ANK3: variants seen among roughly 807,000 people sequenced by gnomAD.
ANK3 encodes ankyrin-3.
In ANK3, 57 loss-of-function variants were observed where a neutral mutation model predicts 370.9. The ratio of observed to expected loss-of-function variants is 0.15; its 90% confidence interval spans 0.12 to 0.19. ANK3 has a LOEUF of 0.19. Ranked by LOEUF, ANK3 falls within the 10% of genes least tolerant of loss-of-function variation. ANK3 has a pLI of 1.00. For missense variants in ANK3, 4,439 were observed against 5,302.1 expected (o/e 0.84, Z 5.06); for synonymous variants, 1,929 against 1,946.3 (o/e 0.99, Z 0.23).
At chr10:60,445,160 C>T (rs545053778) in intron 2 of ANK3, among the ~76,000 whole-genome samples, 1 of 152,230 alleles carries the variant, frequency 6.6e-6, no homozygotes, top group East Asian at 1.9e-4. Flanking sequence ...TACAGTGGCT[C>T]ACGCCTATGC....
intron 2 of ANK3, among the ~76,000 whole-genome samples, chr10:60,395,404 A>G (rs990531278): frequency 6.6e-6 from 1 of 152,090 alleles, no homozygotes; most frequent in African/African-American, 2.4e-5. Context: ...CATGACTTAC[A>G]CTCCATTCCT....
chr10:60,072,475 A>G lies in ANK3; in HGVS notation c.8406T>C (p.Asn2802=). The G allele has an allele frequency of 6.2e-7, 1 of 1,614,030 alleles. No individual in the cohort carries two copies. Among genetic ancestry groups the G allele is most frequent in the Non-Finnish European group, 8.5e-7 (1 of 1,180,000 alleles). Residue 2802 remains asparagine, a synonymous_variant, in exon 37 of 44, where the codon AAT becomes AAC. Transcript: ENST00000280772. The part of the protein sequence containing the change: ...EHAQSNEIVV[N]DSGSDNVKKQ... Reference sequence around the variant, plus strand: ...TTTTCACATTATCAGAGCCAGAATCATTTACAACAATTTCGTTGCTTTGGG... The same window carrying G: ...TTTTCACATTATCAGAGCCAGAATCGTTTACAACAATTTCGTTGCTTTGGG...
At chr10:60,313,598 C>CT (rs1198885196) in intron 1 of ANK3, among the ~76,000 whole-genome samples, 11 of 152,204 alleles carry the variant, frequency 7.2e-5, no homozygotes, top group African/African-American at 2.7e-4. Context: ...TTCAGTTGGT[C>CT]TTTTCCTGAA....
intron 1 of ANK3, among the ~76,000 whole-genome samples, chr10:60,286,906 G>A (rs992623931): frequency 1.3e-5 from 2 of 152,110 alleles, no homozygotes; most frequent in African/African-American, 4.8e-5. Context: ...AAGACTACAC[G>A]GATAAATTTA....
intron 2 of ANK3, among the ~76,000 whole-genome samples, chr10:60,489,737 T>C (rs11813629): frequency 0.094 from 14,249 of 152,206 alleles, 743 homozygotes; most frequent in South Asian, 0.17. Flanking sequence ...TATGTATGTA[T>C]CCTGGTTCCA....
At chr10:60,266,697 C>G (rs556521761) in intron 5 of ANK3, among the ~76,000 whole-genome samples, 1 of 152,176 alleles carries the variant, frequency 6.6e-6, no homozygotes, top group Non-Finnish European at 1.5e-5. Context: ...CACAAAGATA[C>G]CAGCTCTAAG....
intron 42 of ANK3, among the ~76,000 whole-genome samples, chr10:60,052,836 T>A (rs199611267): frequency 4.0e-5 from 6 of 148,840 alleles, no homozygotes; most frequent in African/African-American, 1.2e-4. Flanking sequence ...AGTATTTGTT[T>A]AAAAAAAAAA....
At chr10:60,492,924 A>C (rs2075557226) in intron 2 of ANK3, among the ~76,000 whole-genome samples, 1 of 139,712 alleles carries the variant, frequency 7.2e-6, no homozygotes, top group Non-Finnish European at 1.6e-5. Flanking sequence ...AAAATACAAA[A>C]AAAAAATTAG....
intron 1 of ANK3, among the ~76,000 whole-genome samples, chr10:60,697,176 C>A (rs2079470307): frequency 6.6e-6 from 1 of 150,976 alleles, no homozygotes; most frequent in Non-Finnish European, 1.5e-5. Flanking sequence ...GAATAAAATA[C>A]CTAGGAATCC....
intron 1 of ANK3, among the ~76,000 whole-genome samples, chr10:60,369,769 T>C (rs1336726500): frequency 1.3e-5 from 2 of 152,212 alleles, no homozygotes; most frequent in East Asian, 1.9e-4. Flanking sequence ...TCGACTCTTA[T>C]CTAAGATAAA....
At chr10:60,428,675 A>G (rs1246206748) in intron 2 of ANK3, among the ~76,000 whole-genome samples, 3 of 147,554 alleles carry the variant, frequency 2.0e-5, no homozygotes, top group Non-Finnish European at 4.5e-5. Context: ...GATAGGGAAT[A>G]TGTTGGGTTT....
At position 60,074,971 on chromosome 10, in the gene ANK3, A is replaced by G. The variant is rs768600937; in HGVS notation, c.5910T>C (p.Asn1970=). 2.5e-6 allele frequency: 4 copies of G among 1,613,876 alleles called. No individual in the cohort carries two copies. Among genetic ancestry groups the G allele is most frequent in the Non-Finnish European group, 3.4e-6 (4 of 1,179,940 alleles). The part of the protein sequence containing the change: ...EILKKDVCVD[N]KGSPKSPKSD... ...TCTTTGGTGATTTGGGTGATCCTTT[A>G]TTATCTACACATACATCCTTTTTAA... The change falls in exon 37 of 44, where the codon AAT becomes AAC. Residue 1970 remains asparagine (N), a synonymous_variant. Coordinates refer to ENST00000280772, the MANE Select transcript of ANK3 (RefSeq NM_020987.5).
chr10:60,654,886 C>A (rs375938501), intron 1 of ANK3, among the ~76,000 whole-genome samples: 10 of 152,086 alleles, frequency 6.6e-5, no homozygotes, highest in Admixed American at 5.2e-4. Flanking sequence ...ATACACTGCA[C>A]GTTGACATTT....
intron 2 of ANK3, among the ~76,000 whole-genome samples, chr10:60,538,384 G>A (rs1938539): frequency 0.49 from 74,941 of 151,556 alleles, 18,842 homozygotes; most frequent in Non-Finnish European, 0.54. Context: ...TTGTCAGCAG[G>A]CTTCATGCCA....
chr10:60,123,798 T>G (rs1203605600), intron 25 of ANK3, among the ~76,000 whole-genome samples: 2 of 152,206 alleles, frequency 1.3e-5, no homozygotes, highest in Non-Finnish European at 2.9e-5. Flanking sequence ...TAGTAACAGT[T>G]GGATGATACA....
At chr10:60,303,840 TTGTC>T (rs1566420137) in intron 1 of ANK3, among the ~76,000 whole-genome samples, 2 of 151,892 alleles carry the variant, frequency 1.3e-5, no homozygotes, top group East Asian at 1.9e-4. Context: ...AAGAACTAAA[TTGTC>T]TGTTGACTAA....
chr10:60,047,054 G>A (rs1394949717), intron 42 of ANK3, among the ~76,000 whole-genome samples: 3 of 152,004 alleles, frequency 2.0e-5, no homozygotes, highest in Non-Finnish European at 2.9e-5. Flanking sequence ...TGATCCACCC[G>A]CCTCGGGCTC....
chr10:60,699,570 T>C (rs917864693), intron 1 of ANK3, among the ~76,000 whole-genome samples: 1 of 151,842 alleles, frequency 6.6e-6, no homozygotes, highest in Non-Finnish European at 1.5e-5. Context: ...AGAAAATTTT[T>C]AAACAATTAT....
intron 2 of ANK3, among the ~76,000 whole-genome samples, chr10:60,597,036 T>TA (rs1159251342): frequency 1.3e-5 from 2 of 152,190 alleles, no homozygotes; most frequent in Non-Finnish European, 2.9e-5. Flanking sequence ...TTTCCTGATT[T>TA]AAAAAATGCA....
Sources: gnomAD v4.1 joint callset for allele counts (sites outside exome capture counted in the v4.1 genomes callset) on GRCh38, gnomAD v4.1.1 for gene constraint, MANE v1.5 for transcripts, NCBI Gene and HGNC (gene_info 2026-07-23, HGNC 2026-07-21) for gene names.